CRACD: variants seen among roughly 807,000 people sequenced by gnomAD.
CRACD encodes the protein capping protein-inhibiting regulator of actin dynamics.
A neutral mutation model predicts 106.8 loss-of-function variants in CRACD; 56 were observed. That is an observed-to-expected ratio of 0.52 (90% CI 0.42 to 0.66). The LOEUF (loss-of-function observed/expected upper bound fraction) is 0.66. CRACD is among the 30% of genes least tolerant of loss of function. The probability of loss-of-function intolerance (pLI) is 0.00; values close to 1 mark genes in which losing one functional copy is unlikely to be tolerated. For synonymous variants in CRACD, 754 were observed against 670.8 expected (o/e 1.12, Z -1.92); for missense variants, 1,730 against 1,623.2 (o/e 1.07, Z -1.13).
At chr4:56,076,202 A>G (rs1432049149) in intron 1 of CRACD, among the ~76,000 whole-genome samples, 2 of 152,170 alleles carry the variant, frequency 1.3e-5, no homozygotes, top group East Asian at 3.9e-4. Context: ...GAAAGACCAC[A>G]TGAAGGTAAA....
intron 1 of CRACD, among the ~76,000 whole-genome samples, chr4:56,091,191 A>G (rs1216960004): frequency 6.6e-6 from 1 of 151,940 alleles, no homozygotes; most frequent in East Asian, 1.9e-4. Context: ...GACTATAGGC[A>G]TGTGTCACCA....
intron 2 of CRACD, among the ~76,000 whole-genome samples, chr4:56,240,589 C>T (rs948262789): frequency 6.6e-6 from 1 of 152,168 alleles, no homozygotes; most frequent in African/African-American, 2.4e-5. Context: ...ACTGCAGCCT[C>T]AAACTCCTGA....
chr4:56,061,420 C>T, intron 1 of CRACD, among the ~76,000 whole-genome samples: 1 of 152,142 alleles, frequency 6.6e-6, no homozygotes, highest in African/African-American at 2.4e-5. Context: ...GATCTACCTG[C>T]CTTGGCCTCC....
intron 2 of CRACD, among the ~76,000 whole-genome samples, chr4:56,251,428 G>A (rs1250126564): frequency 6.6e-6 from 1 of 152,218 alleles, no homozygotes; most frequent in African/African-American, 2.4e-5. Flanking sequence ...TGTCTGGTGT[G>A]TGCAGATTTT....
chr4:56,171,155 A>T (rs775086943), intron 1 of CRACD, among the ~76,000 whole-genome samples: 1 of 152,228 alleles, frequency 6.6e-6, no homozygotes, highest in Non-Finnish European at 1.5e-5. Flanking sequence ...TAGAAAGACC[A>T]TGATCATTAT....
intron 2 of CRACD, among the ~76,000 whole-genome samples, chr4:56,270,552 G>A (rs991036011): frequency 9.9e-5 from 15 of 152,072 alleles, no homozygotes; most frequent in African/African-American, 3.4e-4. Flanking sequence ...TTTTGTGCAG[G>A]TGTTTTTCAC....
At chr4:56,081,193 A>G (rs1278032699) in intron 1 of CRACD, among the ~76,000 whole-genome samples, 4 of 152,102 alleles carry the variant, frequency 2.6e-5, no homozygotes, top group Admixed American at 2.0e-4. Context: ...ATCAACAACA[A>G]TTTGCACGTA....
rs772889429 is a variant in CRACD, at chr4:56,112,026, T to C, written c.-336+62727T>C. On this transcript the variant is annotated intron_variant, in intron 1 of 10. Transcript: ENST00000682029. ...TTTTCTTTGAGATAAAAGACACTTA[T>C]GAGCTGAAGTAGAAATTGCACCTAA... Among the ~76,000 whole-genome samples the C allele has an allele frequency of 7.2e-5, 11 of 152,238 alleles. No homozygotes were observed. In the South Asian group the frequency reaches 8.3e-4, roughly 11 times the overall value.
intron 1 of CRACD, among the ~76,000 whole-genome samples, chr4:56,136,686 T>A (rs186115496): frequency 3.9e-5 from 6 of 152,202 alleles, no homozygotes; most frequent in Non-Finnish European, 5.9e-5. Context: ...AATATTAATA[T>A]TTTCTCCCAC....
At chr4:56,312,563 C>T (rs1475904220) in intron 6 of CRACD, among the ~76,000 whole-genome samples, 1 of 152,088 alleles carries the variant, frequency 6.6e-6, no homozygotes, top group Non-Finnish European at 1.5e-5. Flanking sequence ...TGAGCACTGA[C>T]CAAATGAGGT....
At chr4:56,161,785 A>G (rs947303079) in intron 1 of CRACD, among the ~76,000 whole-genome samples, 4 of 130,576 alleles carry the variant, frequency 3.1e-5, no homozygotes, top group Admixed American at 1.6e-4. Flanking sequence ...TTTTTTTGAG[A>G]TGGAGTCTCG....
intron 1 of CRACD, among the ~76,000 whole-genome samples, chr4:56,154,634 A>G (rs1735708073): frequency 6.6e-6 from 1 of 152,232 alleles, no homozygotes; most frequent in African/African-American, 2.4e-5. Flanking sequence ...AAAATAAAAA[A>G]ATAGCTTATT....
chr4:56,049,575 C>G (rs943661006), intron 1 of CRACD, among the ~76,000 whole-genome samples: 1 of 152,122 alleles, frequency 6.6e-6, no homozygotes, highest in South Asian at 2.1e-4. Context: ...CGGGAACTTG[C>G]GGAGAATATG....
In CRACD at chr4:56,069,959, T is replaced by A. The variant is rs563744350; in HGVS notation, c.-336+20660T>A. Among the ~76,000 whole-genome samples, 30 of 152,342 alleles carry A rather than the reference T, an allele frequency of 2.0e-4. No homozygotes were observed. The South Asian group carries it at 3.7e-3, about 19-fold the overall frequency. ...CTCTGCATATAATGGGTGAGCAACTTCTGTAATTATTATTGGTTAATAGCT... is the reference window on the plus strand; with the variant it reads ...CTCTGCATATAATGGGTGAGCAACTACTGTAATTATTATTGGTTAATAGCT... On this transcript the variant is annotated intron_variant, in intron 1 of 10. Coordinates refer to ENST00000682029, the MANE Select transcript of CRACD (RefSeq NM_001393381.1).
intron 1 of CRACD, among the ~76,000 whole-genome samples, chr4:56,174,733 C>A (rs1311561474): frequency 6.6e-6 from 1 of 152,102 alleles, no homozygotes; most frequent in Non-Finnish European, 1.5e-5. Flanking sequence ...GTGAATAGTG[C>A]TTCAATAAAC....
intron 3 of CRACD, among the ~76,000 whole-genome samples, chr4:56,278,059 A>G (rs747323476): frequency 5.9e-5 from 9 of 152,186 alleles, no homozygotes; most frequent in Admixed American, 1.3e-4. Flanking sequence ...AAAACATAAT[A>G]TTGTTAAGAT....
chr4:56,120,709 A>G (rs531973353), intron 1 of CRACD, among the ~76,000 whole-genome samples: 2 of 152,352 alleles, frequency 1.3e-5, no homozygotes, highest in South Asian at 4.1e-4. Context: ...TGAAAATAAG[A>G]TAGATAGAAT....
In CRACD at chr4:56,316,461, G is replaced by A; in HGVS notation, c.2959G>A (p.Glu987Lys). The A allele has an allele frequency of 1.9e-6, 3 of 1,614,082 alleles. No individual in the cohort carries two copies. Among genetic ancestry groups the A allele is most frequent in the Non-Finnish European group, 2.5e-6 (3 of 1,179,906 alleles). The change falls in exon 8 of 11, where the codon GAG becomes AAG. Residue 987 changes from glutamate to lysine, a missense_variant. This residue lies in a region of CRACD where 1,620 missense variants were observed against 1,481.6 expected (regional missense o/e 1.09). Coordinates refer to ENST00000682029, the MANE Select transcript of CRACD (RefSeq NM_001393381.1). The stretch of plus-strand genomic sequence containing the variant: ...CAAACTGAGCAGGCCCTACTTGGTA[G>A]AGCTGCTGTCTCGCCGAGCGGGGAG... ...LSKLSRPYLV[E>K]LLSRRAGRPD...
chr4:56,244,009 A>C (rs1258744444), intron 2 of CRACD, among the ~76,000 whole-genome samples: 1 of 152,186 alleles, frequency 6.6e-6, no homozygotes, highest in Non-Finnish European at 1.5e-5. Context: ...AAATTGATCC[A>C]AAAGTCTTCC....
Sources: gnomAD v4.1 joint callset for allele counts (sites outside exome capture counted in the v4.1 genomes callset) on GRCh38, gnomAD v4.1.1 for gene constraint, gnomAD v4.1.1 regional missense constraint, MANE v1.5 for transcripts, NCBI Gene and HGNC (gene_info 2026-07-23, HGNC 2026-07-21) for gene names.